RAB9A: variants seen among roughly 807,000 people sequenced by gnomAD.
RAB9A encodes the protein RAB9A, member RAS oncogene family.
Under a neutral mutation model 10.3 loss-of-function variants are expected in RAB9A, and 1 was observed. That is an observed-to-expected ratio of 0.10 (90% CI 0.03 to 0.46). The LOEUF (loss-of-function observed/expected upper bound fraction) is 0.46, where lower values mean the gene tolerates loss of function less well. Ranked by LOEUF, RAB9A falls within the 20% of genes least tolerant of loss-of-function variation. The probability of loss-of-function intolerance (pLI) is 0.96; values close to 1 mark genes in which losing one functional copy is unlikely to be tolerated. For synonymous variants in RAB9A, 39 were observed against 55.2 expected (o/e 0.71, Z 1.30); for missense variants, 92 against 150.3 (o/e 0.61, Z 2.03).
Position 13,689,157 on chromosome X carries a change from A to G in RAB9A, c.-247A>G, listed in dbSNP as rs1446076177. 1 of 113,114 alleles carries G rather than the reference A, an allele frequency of 8.8e-6. No homozygotes were observed. Among genetic ancestry groups the G allele is most frequent in the Non-Finnish European group, 1.9e-5 (1 of 53,279 alleles). The allele number at this position is 113,114 out of a possible 1,213,427, so 9.3% of individuals were successfully genotyped here. On this transcript the variant is annotated 5_prime_UTR_variant, in exon 1 of 3. Coordinates refer to ENST00000464506, the MANE Select transcript of RAB9A (RefSeq NM_004251.5). The stretch of plus-strand genomic sequence containing the variant: ...TGTTCCCTCCGCGCTGGACGGGAGC[A>G]GCTGGAGCGGGAGCCTGGCTGCGCT...
At chrX:13,705,014 T>TA (rs1481096121) in intron 2 of RAB9A, among the ~76,000 whole-genome samples, 4 of 112,496 alleles carry the variant, frequency 3.6e-5, no homozygotes, top group Non-Finnish European at 7.5e-5. Context: ...CTGTGAAGTA[T>TA]AAGAGACTTC....
intron 1 of RAB9A, among the ~76,000 whole-genome samples, chrX:13,699,129 C>G (rs948002629): frequency 1.8e-5 from 2 of 111,517 alleles, no homozygotes; most frequent in African/African-American, 6.5e-5. Context: ...GGAATGTAGT[C>G]GTTTTTCAGC....
At chrX:13,700,005 A>C (rs996695141) in intron 1 of RAB9A, among the ~76,000 whole-genome samples, 1 of 111,138 alleles carries the variant, frequency 9.0e-6, no homozygotes, top group Non-Finnish European at 1.9e-5. Flanking sequence ...CCCAGGCTGG[A>C]GTGCAATGGC....
chrX:13,704,476 T>C (rs1160856390), intron 2 of RAB9A, among the ~76,000 whole-genome samples: 1 of 112,131 alleles, frequency 8.9e-6, no homozygotes, highest in Non-Finnish European at 1.9e-5. Context: ...TTCATTTTAC[T>C]CTTAAAATTA....
intron 1 of RAB9A, among the ~76,000 whole-genome samples, chrX:13,702,468 C>G (rs988004898): frequency 5.3e-5 from 6 of 112,187 alleles, no homozygotes; most frequent in Non-Finnish European, 1.1e-4. Flanking sequence ...CAGTGTAACA[C>G]AGCCTAGTTT....
At position 13,703,172 on chromosome X, in the gene RAB9A, A is replaced by G. The variant is rs1450282013; in HGVS notation, c.-115-642A>G. On this transcript the variant is annotated intron_variant, in intron 1 of 2. Transcript: ENST00000464506. ...TTTTCATTCTACCTGCAGCAACAAC[A>G]GTAGAATCTCAGAAACAGATGCATA... Among the ~76,000 whole-genome samples the G allele has an allele frequency of 2.7e-5, 3 of 112,659 alleles. No homozygotes were observed. In the East Asian group the frequency reaches 8.3e-4, roughly 31 times the overall value.
At chrX:13,691,353 A>G (rs1201866357) in intron 1 of RAB9A, among the ~76,000 whole-genome samples, 3 of 111,755 alleles carry the variant, frequency 2.7e-5, no homozygotes, top group Non-Finnish European at 3.8e-5. Flanking sequence ...TGAGAAGCAT[A>G]TTCACTTGAA....
chrX:13,693,782 A>G (rs1211845831), intron 1 of RAB9A, among the ~76,000 whole-genome samples: 2 of 111,130 alleles, frequency 1.8e-5, no homozygotes, highest in Non-Finnish European at 3.8e-5. Flanking sequence ...CTGGGTGTGT[A>G]TTTTGGAAAA....
chrX:13,693,355 A>G (rs1315205825), intron 1 of RAB9A, among the ~76,000 whole-genome samples: 1 of 112,187 alleles, frequency 8.9e-6, no homozygotes, highest in Non-Finnish European at 1.9e-5. Flanking sequence ...TTTTTTGTAG[A>G]GGAGTGAGGG....
intron 1 of RAB9A, among the ~76,000 whole-genome samples, chrX:13,700,637 A>G (rs1004099004): frequency 1.8e-5 from 2 of 112,066 alleles, no homozygotes; most frequent in East Asian, 2.8e-4. Context: ...TCTGTTGTAC[A>G]TGTAAATGAT....
intron 2 of RAB9A, among the ~76,000 whole-genome samples, chrX:13,707,898 C>T (rs1162936157): frequency 2.7e-5 from 3 of 112,246 alleles, no homozygotes; most frequent in Non-Finnish European, 5.6e-5. Context: ...GTTTCTGTCT[C>T]TGGCTTTCCT....
chrX:13,707,178 C>T lies in RAB9A; in HGVS notation c.-26-1543C>T, dbSNP rs546587782. The stretch of plus-strand genomic sequence containing the variant: ...TCAAGTGTTCCACAGTCACATGCGG[C>T]TAAGTGGCTGCTATATTGGACATTT... On this transcript the variant is annotated intron_variant, in intron 2 of 2. Coordinates refer to ENST00000464506, the MANE Select transcript of RAB9A (RefSeq NM_004251.5). Among the ~76,000 whole-genome samples the T allele has an allele frequency of 8.9e-5, 10 of 112,611 alleles. No homozygotes were observed. In the South Asian group the frequency reaches 3.6e-3, roughly 41 times the overall value.
chrX:13,703,582 G>C (rs2046184021), intron 1 of RAB9A, among the ~76,000 whole-genome samples: 1 of 112,203 alleles, frequency 8.9e-6, no homozygotes, highest in Non-Finnish European at 1.9e-5. Context: ...CTTTGGTTCA[G>C]ACCAATAGAG....
intron 1 of RAB9A, among the ~76,000 whole-genome samples, chrX:13,689,913 G>A (rs1286145614): frequency 2.7e-5 from 3 of 111,097 alleles, no homozygotes; most frequent in African/African-American, 9.8e-5. Context: ...AAGTAAAAAG[G>A]CAAAATGAGA....
In RAB9A at chrX:13,708,894, G is replaced by A; in HGVS notation, c.148G>A (p.Glu50Lys). 1 of 1,211,014 alleles carries A rather than the reference G, an allele frequency of 8.3e-7. No homozygotes were observed. Among genetic ancestry groups the A allele is most frequent in the Non-Finnish European group, 1.1e-6 (1 of 895,063 alleles). The change falls in exon 3 of 3, where the codon GAA becomes AAA. Residue 50 changes from glutamate (E) to lysine (K), a missense_variant. Transcript: ENST00000464506. Reference sequence around the variant, plus strand: ...TGTGGAATTTTTAAATAAAGATTTGGAAGTGGATGGACATTTTGTTACCAT... The same window carrying A: ...TGTGGAATTTTTAAATAAAGATTTGAAAGTGGATGGACATTTTGTTACCAT... ...IGVEFLNKDLEVDGHFVTMQI... is the reference protein window; with the variant it reads ...IGVEFLNKDLKVDGHFVTMQI...
intron 2 of RAB9A, among the ~76,000 whole-genome samples, chrX:13,704,322 T>A (rs753898956): frequency 8.9e-6 from 1 of 112,120 alleles, no homozygotes; most frequent in East Asian, 2.8e-4. Flanking sequence ...GATGAAAAAC[T>A]TTTTGAAAAA....
rs745431897 is a variant in RAB9A, at chrX:13,703,921, G to A, written c.-27+19G>A. The A allele has an allele frequency of 2.7e-5, 3 of 112,356 alleles. No individual in the cohort carries two copies. In the East Asian group the frequency reaches 8.4e-4, roughly 31 times the overall value. The allele number at this position is 112,356 out of a possible 1,213,427, so 9.3% of individuals were successfully genotyped here. On this transcript the variant is annotated intron_variant, in intron 2 of 2. Transcript: ENST00000464506. Reference sequence around the variant, plus strand: ...CTAGGAGGTAGGTACTGTTGTCACTGTTGTTCCCATGAGGCTTCAGGATGT... The same window carrying A: ...CTAGGAGGTAGGTACTGTTGTCACTATTGTTCCCATGAGGCTTCAGGATGT...
chrX:13,691,584 T>C lies in RAB9A; in HGVS notation c.-116+2296T>C, dbSNP rs771137790. Among the ~76,000 whole-genome samples the C allele has an allele frequency of 7.4e-3, 669 of 89,939 alleles. 9 individuals are homozygous for C. The highest frequency in any genetic ancestry group is 0.027 in the African/African-American group (629 of 23,209). 78.1% of individuals were successfully genotyped at this position (89,939 alleles called of 115,157 possible). On this transcript the variant is annotated intron_variant, in intron 1 of 2. Transcript: ENST00000464506. Reference sequence around the variant, plus strand: ...CTGAGGCAGGAGAATCGCTTGAACCTGGGAGGCAGAGGTTGCAGTGAGCCG... The same window carrying C: ...CTGAGGCAGGAGAATCGCTTGAACCCGGGAGGCAGAGGTTGCAGTGAGCCG...
At position 13,702,577 on chromosome X, in the gene RAB9A, TC is replaced by T. The variant is rs749814392; in HGVS notation, c.-115-1232del. Among the ~76,000 whole-genome samples the T allele has an allele frequency of 3.4e-4, 38 of 111,569 alleles. No homozygotes were observed. In the South Asian group the frequency reaches 0.014, roughly 41 times the overall value. Reference sequence around the variant, plus strand: ...GGATCATGTTTGCATGTAAATTAAGTCCCCCAGGTGGCTGGACTCTCATGGA... The same window carrying T: ...GGATCATGTTTGCATGTAAATTAAGTCCCCAGGTGGCTGGACTCTCATGGA... On this transcript the variant is annotated intron_variant, in intron 1 of 2. Transcript: ENST00000464506.
Sources: gnomAD v4.1 joint callset for allele counts (sites outside exome capture counted in the v4.1 genomes callset) on GRCh38, gnomAD v4.1.1 for gene constraint, MANE v1.5 for transcripts, NCBI Gene and HGNC (gene_info 2026-07-23, HGNC 2026-07-21) for gene names.